TBC1D21: variants seen among roughly 807,000 people sequenced by gnomAD.
TBC1D21 encodes male germ cell Rab GTPase-activating protein.
A neutral mutation model predicts 46.0 loss-of-function variants in TBC1D21; 38 were observed. The observed-to-expected ratio is 0.83, with a 90% CI of 0.64 to 1.08. The LOEUF is 1.08. Ranked by LOEUF, TBC1D21 falls within the 50% of genes least tolerant of loss-of-function variation. The pLI is 0.00. For missense variants in TBC1D21, 415 were observed against 417.9 expected (o/e 0.99, Z 0.06); for synonymous variants, 151 against 157.2 (o/e 0.96, Z 0.29).
intron 6 of TBC1D21, among the ~76,000 whole-genome samples, chr15:73,885,348 G>T (rs1250636507): frequency 6.6e-6 from 1 of 152,204 alleles, no homozygotes; most frequent in Non-Finnish European, 1.5e-5. Context: ...CCTTGAAAGA[G>T]CATGGCTGGC....
At chr15:73,877,503 T>C (rs1453584689) in intron 1 of TBC1D21, among the ~76,000 whole-genome samples, 5 of 115,370 alleles carry the variant, frequency 4.3e-5, no homozygotes, top group African/African-American at 1.9e-4. Flanking sequence ...ATACAAACAC[T>C]TCCAGAAAAC....
the TBC1D21 span, among the ~76,000 whole-genome samples, chr15:73,904,187 G>T: frequency 4.1e-4 from 62 of 152,158 alleles, no homozygotes; most frequent in African/African-American, 1.4e-3. Context: ...CCATCCTAAG[G>T]TGAGCACTTC....
intron 6 of TBC1D21, among the ~76,000 whole-genome samples, chr15:73,885,815 TACAC>T (rs3057447): frequency 0.48 from 71,436 of 147,996 alleles, 17,589 homozygotes; most frequent in South Asian, 0.64. Context: ...TACACACACA[TACAC>T]ACACACACAC....
intron 3 of TBC1D21, among the ~76,000 whole-genome samples, chr15:73,883,909 G>T (rs1476385857): frequency 6.6e-6 from 1 of 152,216 alleles, no homozygotes; most frequent in Non-Finnish European, 1.5e-5. Flanking sequence ...CAGGATTCAG[G>T]TGCAGCGTTT....
intron 1 of TBC1D21, among the ~76,000 whole-genome samples, chr15:73,875,259 A>AAAG (rs796351916): frequency 0.013 from 1,950 of 146,838 alleles, 53 homozygotes; most frequent in African/African-American, 0.047. Flanking sequence ...AAAAAAAAAA[A>AAAG]AAGAAGAAGA....
the TBC1D21 span, among the ~76,000 whole-genome samples, chr15:73,897,620 G>T: frequency 6.6e-6 from 1 of 152,200 alleles, no homozygotes; most frequent in Non-Finnish European, 1.5e-5. Flanking sequence ...CCATGGGGAG[G>T]CCTGGCTGCC....
rs528475469 is a variant in TBC1D21, at chr15:73,886,390, G to A, written c.677-122G>A. On this transcript the variant is annotated intron_variant, in intron 7 of 10. Coordinates refer to ENST00000300504, the MANE Select transcript of TBC1D21 (RefSeq NM_153356.3). Reference sequence around the variant, plus strand: ...CATCTCCCAGGGCAGCTGGAAAAGGGGCGGCAGGCTTTTTGTATTTCCCAA... The same window carrying A: ...CATCTCCCAGGGCAGCTGGAAAAGGAGCGGCAGGCTTTTTGTATTTCCCAA... 12 of 972,170 alleles carry A rather than the reference G, an allele frequency of 1.2e-5. No homozygotes were observed. The Admixed American group carries it at 2.5e-4, about 20-fold the overall frequency. 60.2% of individuals were successfully genotyped at this position (972,170 alleles called of 1,614,324 possible). A position where few individuals can be genotyped will look rare whatever the true frequency, so the allele number is the denominator to read the frequency against.
chr15:73,880,402 T>C (rs1321201273), intron 1 of TBC1D21, among the ~76,000 whole-genome samples: 1 of 152,040 alleles, frequency 6.6e-6, no homozygotes, highest in Non-Finnish European at 1.5e-5. Context: ...GTGGAGCTCA[T>C]AACTGTGTCT....
chr15:73,896,283 A>ATACTGGATGCGATTCTGCAGATGAAGT, the TBC1D21 span, among the ~76,000 whole-genome samples: 1 of 74,382 alleles, frequency 1.3e-5, no homozygotes, highest in Non-Finnish European at 3.7e-5. Flanking sequence ...CATAGTGGAG[A>ATACTGGATGCGATTCTGCAGATGAAGT]GGATGGCAAT....
chr15:73,888,561 CTCTTCCTCCTCCTCCTCCTCT>C lies in TBC1D21; in HGVS notation c.978+51_978+71del, dbSNP rs779125275. 3,950 of 1,279,578 alleles carry C rather than the reference CTCTTCCTCCTCCTCCTCCTCT, an allele frequency of 3.1e-3. 133 individuals carry two copies. In the African/African-American group the frequency reaches 0.055, roughly 18 times the overall value. The allele number at this position is 1,279,578 out of a possible 1,614,324, so 79.3% of individuals were successfully genotyped here. ...CCTCCTCCTCCTCTTCCTCCTCCTC[CTCTTCCTCCTCCTCCTCCTCT>C]TCCTCCTCCTCCTCCTCCTCCTCTT... On this transcript the variant is annotated intron_variant, in intron 10 of 10. Transcript: ENST00000300504.
chr15:73,883,936 G>A (rs11639300), intron 3 of TBC1D21, among the ~76,000 whole-genome samples: 46,149 of 152,160 alleles, frequency 0.3, 8,030 homozygotes, highest in Middle Eastern at 0.5. Flanking sequence ...CAGAGCCCAA[G>A]AAGTTAAACT....
At chr15:73,897,676 C>A in the TBC1D21 span, among the ~76,000 whole-genome samples, 1 of 152,222 alleles carries the variant, frequency 6.6e-6, no homozygotes, top group Non-Finnish European at 1.5e-5. Flanking sequence ...CCTGGGCAAT[C>A]CCTGTGCTCT....
At chr15:73,890,095 A>T (rs965124447), downstream of TBC1D21, among the ~76,000 whole-genome samples, 2 of 152,272 alleles carry the variant, frequency 1.3e-5, no homozygotes, top group African/African-American at 4.8e-5. Flanking sequence ...GACATTACAC[A>T]TGGGCAGGAG....
intron 1 of TBC1D21, among the ~76,000 whole-genome samples, 177 bp downstream of exon 1, chr15:73,873,946 C>A (rs1333895147): frequency 1.3e-5 from 2 of 152,170 alleles, no homozygotes; most frequent in African/African-American, 4.8e-5. Flanking sequence ...GACATCCAAG[C>A]CCCCTTTCAC....
At chr15:73,880,459 T>C (rs1448415594) in intron 1 of TBC1D21, among the ~76,000 whole-genome samples, 2 of 152,248 alleles carry the variant, frequency 1.3e-5, no homozygotes, top group East Asian at 3.9e-4. Context: ...CAGTGTACAT[T>C]ATTATAGAAA....
chr15:73,888,053 GC>G (rs1170198179), intron 9 of TBC1D21, among the ~76,000 whole-genome samples: 5 of 152,142 alleles, frequency 3.3e-5, no homozygotes, highest in Non-Finnish European at 5.9e-5. Context: ...TAACCCTGTG[GC>G]CCTAGGATAT....
the TBC1D21 span, among the ~76,000 whole-genome samples, chr15:73,899,037 T>C: frequency 1.3e-5 from 2 of 151,868 alleles, no homozygotes; most frequent in African/African-American, 4.8e-5. Context: ...TTTAACACAT[T>C]GTAATTGGGA....
chr15:73,886,436 T>A, intron 7 of TBC1D21, 76 bp from the exon 8 acceptor site: 1 of 1,310,498 alleles, frequency 7.6e-7, no homozygotes, highest in Non-Finnish European at 1.1e-6. Flanking sequence ...GGCTCTGTAG[T>A]TTGGCCTCAT....
At chr15:73,877,312 G>A (rs1036287569) in intron 1 of TBC1D21, among the ~76,000 whole-genome samples, 2 of 151,768 alleles carry the variant, frequency 1.3e-5, no homozygotes, top group Non-Finnish European at 2.9e-5. Context: ...GTTGGAAGAT[G>A]TCCTGTTCCT....
Sources: allele counts gnomAD v4.1 joint callset (sites outside exome capture counted in the v4.1 genomes callset), GRCh38; gene constraint gnomAD v4.1.1; transcripts MANE v1.5; gene names NCBI Gene and HGNC (gene_info 2026-07-23, HGNC 2026-07-21).